Variants in RABGEF1 observed in about 807,000 individuals in gnomAD.
The protein encoded by RABGEF1 is RAB guanine nucleotide exchange factor 1.
A neutral mutation model predicts 57.3 loss-of-function variants in RABGEF1; 26 were observed. The ratio of observed to expected loss-of-function variants is 0.45; its 90% CI spans 0.33 to 0.63. The LOEUF is 0.63. Among genes scored for constraint, RABGEF1 ranks in the 20% least tolerant of loss-of-function variants. RABGEF1 has a pLI of 0.02. For synonymous variants in RABGEF1, 185 were observed against 210.7 expected (o/e 0.88, Z 1.06); for missense variants, 464 against 607.6 (o/e 0.76, Z 2.48).
rs115912699 is a variant in RABGEF1 at position 66,744,749 on chromosome 7, T to C, written c.-18+3957T>C. On this transcript the variant is annotated intron_variant, in intron 1 of 8. Transcript: ENST00000284957. ...TTTCTTTCTATAAGGATGTCTGACC[T>C]GGCTAATTTGTAAACAGGAATTCTG... 7.3e-3 allele frequency among the ~76,000 whole-genome samples: 1,110 copies of C among 152,130 alleles called. 15 individuals are homozygous for C. The highest frequency in any genetic ancestry group is 0.024 in the African/African-American group (982 of 41,530).
chr7:66,733,670 A>C (rs994438741), intron 2 of RABGEF1, among the ~76,000 whole-genome samples: 75 of 149,634 alleles, frequency 5.0e-4, no homozygotes, highest in African/African-American at 1.7e-3. Context: ...TGCACTCCAG[A>C]CTGGGCTACA....
intron 1 of RABGEF1, among the ~76,000 whole-genome samples, chr7:66,766,794 G>A (rs1339548247): frequency 6.6e-6 from 1 of 151,668 alleles, no homozygotes; most frequent in Non-Finnish European, 1.5e-5. Context: ...GTGCGATCTC[G>A]GCTTACTGCA....
At chr7:66,671,640 G>A in the RABGEF1 span, among the ~76,000 whole-genome samples, 4 of 152,046 alleles carry the variant, frequency 2.6e-5, no homozygotes, top group East Asian at 1.9e-4. Flanking sequence ...ACACTAAAAC[G>A]TGGAAAAACA....
At chr7:66,732,573 C>T (rs1295382415) in intron 2 of RABGEF1, among the ~76,000 whole-genome samples, 1 of 152,132 alleles carries the variant, frequency 6.6e-6, no homozygotes, top group Admixed American at 6.5e-5. Context: ...TGTCTCATCT[C>T]AGCAGGTGAA....
At chr7:66,775,851 G>A (rs3778907) in intron 3 of RABGEF1, among the ~76,000 whole-genome samples, 18,162 of 152,142 alleles carry the variant, frequency 0.12, 1,266 homozygotes, top group East Asian at 0.2. Context: ...TTGAGGAAGT[G>A]TATTGAGAAC....
At chr7:66,787,336 ATTTTTTTTTTTT>A (rs973607816) in intron 4 of RABGEF1, among the ~76,000 whole-genome samples, 1 of 88,110 alleles carries the variant, frequency 1.1e-5, no homozygotes, top group Non-Finnish European at 2.2e-5. Flanking sequence ...GCCTGGCCTG[ATTTTTTTTTTTT>A]TTTTTTTTTT....
chr7:66,794,265 T>C (rs1813485598), intron 4 of RABGEF1, among the ~76,000 whole-genome samples: 2 of 150,216 alleles, frequency 1.3e-5, no homozygotes, highest in Admixed American at 1.3e-4. Flanking sequence ...TTTTAATTTC[T>C]TTCTTTCTCT....
chr7:66,778,893 A>T (rs905714593), intron 3 of RABGEF1, among the ~76,000 whole-genome samples: 3 of 152,186 alleles, frequency 2.0e-5, no homozygotes, highest in African/African-American at 4.8e-5. Flanking sequence ...AGGCAGGCAG[A>T]TCACCTAAGG....
At position 66,809,344 on chromosome 7, in the gene RABGEF1, C is replaced by T; in HGVS notation, c.*60C>T. Reference sequence around the variant, plus strand: ...AATTGTAGGTAGCCCTTACTACACTCAACTGATTGGGATCTAGAATGTAAC... The same window carrying T: ...AATTGTAGGTAGCCCTTACTACACTTAACTGATTGGGATCTAGAATGTAAC... On this transcript the variant is annotated 3_prime_UTR_variant, in exon 9 of 9. Transcript: ENST00000284957. 1 of 1,490,140 alleles carries T rather than the reference C, an allele frequency of 6.7e-7. No homozygotes were observed. Among genetic ancestry groups the T allele is most frequent in the South Asian group, 1.3e-5 (1 of 75,550 alleles). The allele number at this position is 1,490,140 out of a possible 1,614,324, so 92.3% of individuals were successfully genotyped here.
At chr7:66,740,571 C>T (rs1361238001), upstream of RABGEF1, 2 of 152,536 alleles carry the variant, frequency 1.3e-5, no homozygotes, top group Non-Finnish European at 2.9e-5. Flanking sequence ...GGCGGTACCC[C>T]ACTCCGCTCG....
intron 2 of RABGEF1, among the ~76,000 whole-genome samples, chr7:66,722,527 A>G (rs1406612868): frequency 6.6e-6 from 1 of 152,220 alleles, no homozygotes; most frequent in Non-Finnish European, 1.5e-5. Flanking sequence ...GATGAACTCC[A>G]ATTTATGAAG....
At chr7:66,657,665 AC>A in the RABGEF1 span, among the ~76,000 whole-genome samples, 1 of 152,176 alleles carries the variant, frequency 6.6e-6, no homozygotes, top group African/African-American at 2.4e-5. Context: ...TACTAAAAAT[AC>A]AAAAATTAGC....
intron 2 of RABGEF1, among the ~76,000 whole-genome samples, chr7:66,730,814 C>T (rs1463651037): frequency 6.6e-6 from 1 of 152,252 alleles, no homozygotes; most frequent in African/African-American, 2.4e-5. Context: ...TGCTTAGCCT[C>T]CCAAAGTGCT....
rs777704419 is a variant in RABGEF1, at chr7:66,783,720, C to A, written c.392C>A (p.Thr131Asn). 2 of 1,612,020 alleles carry A rather than the reference C, an allele frequency of 1.2e-6. No homozygotes were observed. The highest frequency in any genetic ancestry group is 2.2e-5 in the South Asian group (2 of 90,676). ...KAPSPSINRQ[T>N]SIETDRVSKE... is the part of the protein sequence containing the mutation. ...CCCAGTCCTTCCATAAACCGGCAAA[C>A]CAGCATTGAAACGGATAGAGTGTCT... Residue 131 changes from threonine to asparagine, a missense_variant, in exon 4 of 9, where the codon ACC becomes AAC. Thr to Asn is a moderately conservative substitution (Grantham distance 65). This residue lies in a region of RABGEF1 where 284 missense variants were observed against 389.9 expected (regional missense o/e 0.73). Transcript: ENST00000284957.
intron 6 of RABGEF1, 81 bp downstream of exon 6, chr7:66,797,587 T>A: frequency 6.8e-7 from 1 of 1,467,686 alleles, no homozygotes. Context: ...TGCACCTGTG[T>A]TTCAAACCTT....
chr7:66,784,094 C>G (rs1389075360), intron 4 of RABGEF1, among the ~76,000 whole-genome samples: 3 of 152,164 alleles, frequency 2.0e-5, no homozygotes, highest in African/African-American at 7.2e-5. Flanking sequence ...GAATTATGTG[C>G]TTTAGTAACA....
intron 4 of RABGEF1, among the ~76,000 whole-genome samples, chr7:66,787,524 T>G (rs556422474): frequency 6.6e-6 from 1 of 151,996 alleles, no homozygotes; most frequent in East Asian, 1.9e-4. Flanking sequence ...TTTGTATGTT[T>G]AGTAGAGATG....
chr7:66,715,253 G>A (rs1275525113), intron 2 of RABGEF1, among the ~76,000 whole-genome samples: 3 of 151,892 alleles, frequency 2.0e-5, no homozygotes, highest in East Asian at 1.9e-4. Flanking sequence ...TTAGTCTCCC[G>A]AGTAGCTGGG....
intron 2 of RABGEF1, among the ~76,000 whole-genome samples, chr7:66,726,524 T>TG (rs1461119485): frequency 6.6e-6 from 1 of 152,016 alleles, no homozygotes; most frequent in Non-Finnish European, 1.5e-5. Context: ...CCACCACTCC[T>TG]GGCTAGTTTT....
Sources: allele counts gnomAD v4.1 joint callset (sites outside exome capture counted in the v4.1 genomes callset), GRCh38; gene constraint gnomAD v4.1.1; regional missense constraint gnomAD v4.1.1; transcripts MANE v1.5; gene names NCBI Gene and HGNC (gene_info 2026-07-23, HGNC 2026-07-21).